RBMXL1: variants seen among roughly 807,000 people sequenced by gnomAD.
RBMXL1 encodes RNA binding motif protein, X-linked-like-1.
Under a neutral mutation model 29.0 loss-of-function variants are expected in RBMXL1, and 18 were observed. The ratio of observed to expected loss-of-function variants is 0.62; its 90% CI spans 0.43 to 0.92. The LOEUF (loss-of-function observed/expected upper bound fraction) is 0.92, where lower values mean the gene tolerates loss of function less well. Among genes scored for constraint, RBMXL1 ranks in the 40% least tolerant of loss-of-function variants. The pLI, the probability that RBMXL1 is intolerant of heterozygous loss-of-function variation, is 0.00. For missense variants in RBMXL1, 403 were observed against 495.8 expected (o/e 0.81, Z 1.78); for synonymous variants, 141 against 170.4 (o/e 0.83, Z 1.34).
At chr1:88,984,584 A>G (rs192342424) in intron 2 of RBMXL1, among the ~76,000 whole-genome samples, 1 of 152,346 alleles carries the variant, frequency 6.6e-6, no homozygotes, top group East Asian at 1.9e-4. Context: ...GATACGCTGT[A>G]GCTATTTAAC....
intron 2 of RBMXL1, among the ~76,000 whole-genome samples, chr1:88,984,314 A>G (rs2101088768): frequency 6.9e-6 from 1 of 144,882 alleles, no homozygotes; most frequent in South Asian, 2.1e-4. Flanking sequence ...TCCCAGGCTC[A>G]AGCCATTCTT....
Position 88,982,588 on chromosome 1 carries a change from A to G in RBMXL1, c.*66T>C. 6.6e-7 allele frequency: 1 copy of G among 1,525,592 alleles called. No homozygotes were observed. The highest frequency in any genetic ancestry group is 8.8e-7 in the Non-Finnish European group (1 of 1,139,536). 94.5% of individuals were successfully genotyped at this position (1,525,592 alleles called of 1,614,324 possible). A position where few individuals can be genotyped will look rare whatever the true frequency, so the allele number is the denominator to read the frequency against. ...TTAGTAGTCCTTGGGTAGTTATGATAGAATAGTTTCCACTCTTTTTTTTGT... is the reference window on the plus strand; with the variant it reads ...TTAGTAGTCCTTGGGTAGTTATGATGGAATAGTTTCCACTCTTTTTTTTGT... On this transcript the variant is annotated 3_prime_UTR_variant, in exon 3 of 3. Coordinates refer to ENST00000652648, the MANE Select transcript of RBMXL1 (RefSeq NM_001162536.3).
At chr1:88,991,154 T>C (rs928304598) in intron 1 of RBMXL1, among the ~76,000 whole-genome samples, 1 of 152,206 alleles carries the variant, frequency 6.6e-6, no homozygotes, top group Non-Finnish European at 1.5e-5. Flanking sequence ...ATTCAGAAAG[T>C]ATGCTTGGCA....
chr1:88,982,773 C>G lies in RBMXL1; in HGVS notation c.1054G>C (p.Val352Leu), dbSNP rs1342363038. Residue 352 changes from valine to leucine, a missense_variant, in exon 3 of 3, where the codon GTA (valine) becomes CTA (leucine). By Grantham distance (32) the Val-to-Leu change is conservative. Coordinates refer to ENST00000652648, the MANE Select transcript of RBMXL1 (RefSeq NM_001162536.3). ...GRQERGLPPS[V>L]ERGYPSSRDS... ...CGTGAAGAAGGGTACCCCCTTTCTA[C>G]AGAAGGGGGAAGCCCTCTTTCTTGT... 13 of 1,613,824 alleles carry G rather than the reference C, an allele frequency of 8.1e-6. No homozygotes were observed. The highest frequency in any genetic ancestry group is 2.7e-5 in the African/African-American group (2 of 74,896).
At chr1:88,989,364 A>C (rs1677649438) in intron 1 of RBMXL1, among the ~76,000 whole-genome samples, 1 of 152,226 alleles carries the variant, frequency 6.6e-6, no homozygotes, top group Admixed American at 6.5e-5. Flanking sequence ...TTAAAGCAGA[A>C]TTCAATCTTA....
At position 88,983,821 on chromosome 1, in the gene RBMXL1, A is replaced by G; in HGVS notation, c.6T>C (p.Val2=). The change falls in exon 3 of 3, where the codon GTT becomes GTC. Residue 2 remains valine (V), a synonymous_variant. Transcript: ENST00000652648. ...AGAGCTTTCCTGGGCGATCTGCTTC[A>G]ACCATTTTTTTTTTTGCCGGTGAGT... M[V]EADRPGKLFI... is the part of the protein sequence containing the mutation. 6.2e-7 allele frequency: 1 copy of G among 1,609,306 alleles called. No individual in the cohort carries two copies. The highest frequency in any genetic ancestry group is 8.5e-7 in the Non-Finnish European group (1 of 1,178,520).
chr1:88,986,017 C>T (rs1021444451), intron 2 of RBMXL1, among the ~76,000 whole-genome samples: 2 of 151,818 alleles, frequency 1.3e-5, no homozygotes, highest in African/African-American at 4.8e-5. Flanking sequence ...CCCGTCTCTA[C>T]AAAAAATACA....
rs1169771510 is a variant in RBMXL1 at position 88,979,589 on chromosome 1, T to TTA, written c.*3063_*3064dup. The TTA allele has an allele frequency of 6.6e-6, 1 of 152,090 alleles. No individual in the cohort carries two copies. Among genetic ancestry groups the TTA allele is most frequent in the East Asian group, 1.9e-4 (1 of 5,188 alleles). The allele number at this position is 152,090 out of a possible 1,614,324, so 9.4% of individuals were successfully genotyped here. ...AATATACAACTGGCCAAAAAGTACC[T>TTA]TAAAAGATGCTTACCAGCATTAGTC... is the stretch of plus-strand genomic sequence containing the variant. On this transcript the variant is annotated 3_prime_UTR_variant, in exon 3 of 3. Coordinates refer to ENST00000652648, the MANE Select transcript of RBMXL1 (RefSeq NM_001162536.3).
chr1:88,980,056 T>C lies in RBMXL1; in HGVS notation c.*2598A>G, dbSNP rs1236892246. On this transcript the variant is annotated 3_prime_UTR_variant, in exon 3 of 3. Transcript: ENST00000652648. ...AAGTCATTGTGTGTGAAAGAAACCA[T>C]AAACAAAAAAGTACATGCTACACAA... 6.6e-6 allele frequency: 1 copy of C among 152,022 alleles called. No homozygotes were observed. Among genetic ancestry groups the C allele is most frequent in the Non-Finnish European group, 1.5e-5 (1 of 67,992 alleles). The allele number at this position is 152,022 out of a possible 1,614,324, so 9.4% of individuals were successfully genotyped here.
chr1:88,985,184 A>G (rs1463937307), intron 2 of RBMXL1, among the ~76,000 whole-genome samples: 1 of 152,170 alleles, frequency 6.6e-6, no homozygotes, highest in Non-Finnish European at 1.5e-5. Flanking sequence ...TATTCTCTCA[A>G]AAAAAATTGG....
At chr1:88,987,378 T>C (rs1570853105) in intron 2 of RBMXL1, among the ~76,000 whole-genome samples, 2 of 152,076 alleles carry the variant, frequency 1.3e-5, no homozygotes, top group African/African-American at 4.8e-5. Flanking sequence ...AGTTATGAGG[T>C]AGAATTCATA....
chr1:88,986,022 A>T (rs1434503797), intron 2 of RBMXL1, among the ~76,000 whole-genome samples: 1 of 152,038 alleles, frequency 6.6e-6, no homozygotes, highest in African/African-American at 2.4e-5. Flanking sequence ...CTCTACAAAA[A>T]ATACAAATAT....
At position 88,981,897 on chromosome 1, in the gene RBMXL1, TA is replaced by T. The variant is rs1315545157; in HGVS notation, c.*756del. ...CTCCTTTGCAATCAAGCTGTTCCTT[TA>T]AAAGTGAGACATTAGAGTTGCAAAA... On this transcript the variant is annotated 3_prime_UTR_variant, in exon 3 of 3. Transcript: ENST00000652648. 2.3e-6 allele frequency: 2 copies of T among 887,880 alleles called. No homozygotes were observed. Among genetic ancestry groups the T allele is most frequent in the Non-Finnish European group, 2.7e-6 (2 of 740,926 alleles). The allele number at this position is 887,880 out of a possible 1,614,324, so 55.0% of individuals were successfully genotyped here. A position where few individuals can be genotyped will look rare whatever the true frequency, so the allele number is the denominator to read the frequency against.
chr1:88,983,098 G>A lies in RBMXL1; in HGVS notation c.729C>T (p.Tyr243=). The change falls in exon 3 of 3, where the codon TAC becomes TAT. Residue 243 remains tyrosine, a synonymous_variant. Coordinates refer to ENST00000652648, the MANE Select transcript of RBMXL1 (RefSeq NM_001162536.3). ...DYAPPPRDYT[Y]RDYGHSSSRD... ...GTGAACTGGAATGACCATAATCACG[G>A]TAAGTATAATCTCGTGGTGGTGGTG... 1 of 1,612,366 alleles carries A rather than the reference G, an allele frequency of 6.2e-7. No homozygotes were observed. Among genetic ancestry groups the A allele is most frequent in the Admixed American group, 1.7e-5 (1 of 60,022 alleles).
chr1:88,991,981 T>TG (rs931010786), intron 1 of RBMXL1, among the ~76,000 whole-genome samples: 8 of 48,896 alleles, frequency 1.6e-4, no homozygotes, highest in Admixed American at 6.8e-4. Context: ...GGTATTCTTT[T>TG]GGTTTTTTTT....
At position 88,983,303 on chromosome 1, in the gene RBMXL1, C is replaced by T. The variant is rs777023602; in HGVS notation, c.524G>A (p.Ser175Asn). 1.9e-6 allele frequency: 3 copies of T among 1,614,078 alleles called. No individual in the cohort carries two copies. The highest frequency in any genetic ancestry group is 2.2e-5 in the South Asian group (2 of 91,082). The change falls in exon 3 of 3, where the codon AGT becomes AAT. Residue 175 changes from serine (S) to asparagine (N), a missense_variant. Transcript: ENST00000652648. ...TAGAGGAGCTCTTCCTCCCATTCCA[C>T]TGCTGCTGCGAACTAGTCCTGAAGG... Reference protein sequence around the residue: ...SAPSGLVRSSSGMGGRAPLSR... With the variant: ...SAPSGLVRSSNGMGGRAPLSR...
Position 88,983,689 on chromosome 1 carries a change from G to C in RBMXL1, c.138C>G (p.Asn46Lys). Reference sequence around the variant, plus strand: ...TGACAAAAGCAAATCCTCTTGATTTGTTGGTTTCACGGTCTTTTATCAAGA... The same window carrying C: ...TGACAAAAGCAAATCCTCTTGATTTCTTGGTTTCACGGTCTTTTATCAAGA... ...EVLLIKDRET[N>K]KSRGFAFVTF... Residue 46 changes from asparagine (N) to lysine (K), a missense_variant, in exon 3 of 3, where the codon AAC becomes AAG. Asn to Lys is a moderately conservative substitution (Grantham distance 94). Transcript: ENST00000652648. The C allele has an allele frequency of 6.2e-7, 1 of 1,613,830 alleles. No individual in the cohort carries two copies. Among genetic ancestry groups the C allele is most frequent in the South Asian group, 1.1e-5 (1 of 91,078 alleles).
Position 88,983,623 on chromosome 1 carries a change from G to T in RBMXL1, c.204C>A (p.Asp68Glu). Residue 68 changes from aspartate to glutamate, a missense_variant, in exon 3 of 3, where the codon GAC (aspartate) becomes GAA (glutamate). Coordinates refer to ENST00000652648, the MANE Select transcript of RBMXL1 (RefSeq NM_001162536.3). ...SPADAKDAAR[D>E]MNGKSLDGKA... The stretch of plus-strand genomic sequence containing the variant: ...TTCCATCTAATGACTTTCCATTCAT[G>T]TCTCTGGCTGCATCCTTAGCGTCTG... 2 of 1,613,990 alleles carry T rather than the reference G, an allele frequency of 1.2e-6. No individual in the cohort carries two copies.
rs183790894 is a variant in RBMXL1, at chr1:88,991,439, C to A, written c.-341+1146G>T. Among the ~76,000 whole-genome samples the A allele has an allele frequency of 3.8e-3, 576 of 152,318 alleles. 7 individuals are homozygous for A. The highest frequency in any genetic ancestry group is 0.031 in the Admixed American group (468 of 15,310). The stretch of plus-strand genomic sequence containing the variant: ...TAATAATGCGCCGCCCACACTGTTA[C>A]AAGAGTCCGACCACTGTAAAGATGA... On this transcript the variant is annotated intron_variant, in intron 1 of 2. Coordinates refer to ENST00000652648, the MANE Select transcript of RBMXL1 (RefSeq NM_001162536.3).
Sources: gnomAD v4.1 joint callset for allele counts (sites outside exome capture counted in the v4.1 genomes callset) on GRCh38, gnomAD v4.1.1 for gene constraint, MANE v1.5 for transcripts, NCBI Gene and HGNC (gene_info 2026-07-23, HGNC 2026-07-21) for gene names.